The following CRHR1 variants were observed in gnomAD, a reference collection of about 807,000 sequenced individuals.
CRHR1 encodes corticotropin-releasing hormone receptor 1.
In CRHR1, 28 loss-of-function variants were observed where a neutral mutation model predicts 56.0. The ratio of observed to expected loss-of-function variants is 0.50; its 90% CI spans 0.37 to 0.69. The LOEUF is 0.69. Among genes scored for constraint, CRHR1 ranks in the 30% least tolerant of loss-of-function variants. The pLI is 0.00. For missense variants in CRHR1, 376 were observed against 548.0 expected (o/e 0.69, Z 3.13); for synonymous variants, 195 against 216.5 (o/e 0.90, Z 0.87).
In CRHR1 at chr17:45,802,015, T is replaced by G. The variant is rs150578768; in HGVS notation, c.34-4995T>G. On this transcript the variant is annotated intron_variant, in intron 1 of 12. Transcript: ENST00000314537. ...GGTTAAGAATTCTCCGTGTTTTTTT[T>G]TTTGTTTGTTTTGTTTTTTGTTGTT... Among the ~76,000 whole-genome samples the G allele has an allele frequency of 7.0e-3, 1,060 of 152,236 alleles. 12 individuals are homozygous for G. The highest frequency in any genetic ancestry group is 0.047 in the East Asian group (244 of 5,170).
intron 1 of CRHR1, among the ~76,000 whole-genome samples, chr17:45,805,686 C>G (rs1046506789): frequency 1.3e-5 from 2 of 152,150 alleles, no homozygotes; most frequent in Non-Finnish European, 2.9e-5. Context: ...ACCACCCTGT[C>G]TGGGAACTCT....
At chr17:45,830,769 T>C in intron 7 of CRHR1, 111 bp from the exon 8 acceptor site, 1 of 1,254,608 alleles carries the variant, frequency 8.0e-7, no homozygotes, top group Non-Finnish European at 1.1e-6. Flanking sequence ...GAGTTTGAGA[T>C]CCACCCTGAG....
chr17:45,829,872 A>G (rs538167283), intron 5 of CRHR1, among the ~76,000 whole-genome samples: 13 of 152,074 alleles, frequency 8.5e-5, no homozygotes, highest in African/African-American at 3.1e-4. Context: ...ATGGAGTGCC[A>G]GGCTCTGCCT....
intron 1 of CRHR1, among the ~76,000 whole-genome samples, chr17:45,797,283 CTTTTTTTTTTT>C (rs899983592): frequency 1.1e-5 from 1 of 94,920 alleles, no homozygotes; most frequent in African/African-American, 4.6e-5. Flanking sequence ...TTCTTTCTTT[CTTTTTTTTTTT>C]TTTTTTTTTT....
At chr17:45,805,472 CTG>C (rs2061702286) in intron 1 of CRHR1, among the ~76,000 whole-genome samples, 1 of 152,156 alleles carries the variant, frequency 6.6e-6, no homozygotes, top group African/African-American at 2.4e-5. Context: ...TATTTTCCTG[CTG>C]TGAAATCCCA....
At chr17:45,802,925 T>C (rs1233846187) in intron 1 of CRHR1, among the ~76,000 whole-genome samples, 3 of 152,210 alleles carry the variant, frequency 2.0e-5, no homozygotes, top group Non-Finnish European at 2.9e-5. Context: ...CCTAAGTGCT[T>C]TGTGCCGAGG....
chr17:45,809,549 C>A (rs1375594034), intron 2 of CRHR1, among the ~76,000 whole-genome samples: 1 of 152,258 alleles, frequency 6.6e-6, no homozygotes, highest in African/African-American at 2.4e-5. Context: ...TGCCCCCAGC[C>A]CAGCCCAGCC....
At chr17:45,794,455 A>C (rs187215999) in intron 1 of CRHR1, among the ~76,000 whole-genome samples, 1 of 152,312 alleles carries the variant, frequency 6.6e-6, no homozygotes, top group East Asian at 1.9e-4. Context: ...TTCACCCTTC[A>C]CACAGCCTGC....
intron 2 of CRHR1, among the ~76,000 whole-genome samples, chr17:45,812,068 T>C (rs886779979): frequency 4.6e-5 from 7 of 152,230 alleles, no homozygotes; most frequent in African/African-American, 1.7e-4. Flanking sequence ...TGATATAAAA[T>C]GGAGTAGTAT....
chr17:45,791,373 G>A lies in CRHR1; in HGVS notation c.33+6796G>A, dbSNP rs543067218. Reference sequence around the variant, plus strand: ...GGGGACCCAACTGCACTCAGAGCACGGGCCTGGCAGGGTGCCCAAGGGCTC... The same window carrying A: ...GGGGACCCAACTGCACTCAGAGCACAGGCCTGGCAGGGTGCCCAAGGGCTC... On this transcript the variant is annotated intron_variant, in intron 1 of 12. Coordinates refer to ENST00000314537, the MANE Select transcript of CRHR1 (RefSeq NM_004382.5). Among the ~76,000 whole-genome samples, 101 of 152,316 alleles carry A rather than the reference G, an allele frequency of 6.6e-4. 1 individual carries two copies. The South Asian group carries it at 9.3e-3, about 14-fold the overall frequency.
intron 8 of CRHR1, among the ~76,000 whole-genome samples, chr17:45,831,621 C>T (rs1386338043): frequency 1.3e-5 from 2 of 152,176 alleles, no homozygotes; most frequent in South Asian, 4.1e-4. Context: ...GAGAATCAGG[C>T]GCAATTGGTC....
chr17:45,811,196 A>T (rs1420952799), intron 2 of CRHR1, among the ~76,000 whole-genome samples: 1 of 152,230 alleles, frequency 6.6e-6, no homozygotes, highest in Non-Finnish European at 1.5e-5. Flanking sequence ...TGGGAGGCAA[A>T]CTGTGTAACC....
intron 10 of CRHR1, 21 bp from the exon 11 acceptor site, chr17:45,833,693 T>TGGGCCACCCC: frequency 6.4e-7 from 1 of 1,571,618 alleles, no homozygotes; most frequent in Non-Finnish European, 8.7e-7. Flanking sequence ...ACTCCGAGCC[T>TGGGCCACCCC]CCCCACCCGC....
chr17:45,817,831 A>G (rs2061960026), intron 3 of CRHR1, among the ~76,000 whole-genome samples: 1 of 152,226 alleles, frequency 6.6e-6, no homozygotes, highest in South Asian at 2.1e-4. Context: ...AAGGGGAGGA[A>G]GTGCAGAAAG....
At chr17:45,802,098 G>A (rs2061634350) in intron 1 of CRHR1, among the ~76,000 whole-genome samples, 1 of 152,102 alleles carries the variant, frequency 6.6e-6, no homozygotes, top group Non-Finnish European at 1.5e-5. Context: ...GCCGAGGCGG[G>A]CTGATCACTT....
At chr17:45,821,585 T>C in intron 4 of CRHR1, 145 bp downstream of exon 4, 1 of 812,324 alleles carries the variant, frequency 1.2e-6, no homozygotes, top group East Asian at 2.7e-5. Context: ...GCTGGAGCTG[T>C]CAACTTGGAA....
At position 45,835,577 on chromosome 17, in the gene CRHR1, G is replaced by A. The variant is rs907824915; in HGVS notation, c.*813G>A. ...TCCCAGTCCCAGCCTCTGGGGCAGA[G>A]CTTGTAGCCCTGGATGGCCTCTGGG... On this transcript the variant is annotated 3_prime_UTR_variant, in exon 13 of 13. Transcript: ENST00000314537. 3 of 152,314 alleles carry A rather than the reference G, an allele frequency of 2.0e-5. No homozygotes were observed. The highest frequency in any genetic ancestry group is 7.2e-5 in the African/African-American group (3 of 41,426). 9.4% of individuals were successfully genotyped at this position (152,314 alleles called of 1,614,324 possible).
intron 1 of CRHR1, among the ~76,000 whole-genome samples, chr17:45,791,342 T>G (rs2061421536): frequency 6.6e-6 from 1 of 152,106 alleles, no homozygotes; most frequent in African/African-American, 2.4e-5. Context: ...CCAGGCCCCC[T>G]GCACTGGGGA....
rs565910853 is a variant in CRHR1 at position 45,791,359 on chromosome 17, T to G, written c.33+6782T>G. 3.9e-5 allele frequency among the ~76,000 whole-genome samples: 6 copies of G among 152,258 alleles called. No homozygotes were observed. The East Asian group carries it at 1.2e-3, about 29-fold the overall frequency. On this transcript the variant is annotated intron_variant, in intron 1 of 12. Transcript: ENST00000314537. ...AGGCCCCCTGCACTGGGGACCCAAC[T>G]GCACTCAGAGCACGGGCCTGGCAGG... is the stretch of plus-strand genomic sequence containing the variant.
Sources: gnomAD v4.1 joint callset for allele counts (sites outside exome capture counted in the v4.1 genomes callset) on GRCh38, gnomAD v4.1.1 for gene constraint, MANE v1.5 for transcripts, NCBI Gene and HGNC (gene_info 2026-07-23, HGNC 2026-07-21) for gene names.